LINGO2: variants seen among roughly 807,000 people sequenced by gnomAD.
LINGO2 encodes leucine-rich repeat and immunoglobulin-like domain-containing nogo receptor-interacting protein 2.
Under a neutral mutation model 30.6 loss-of-function variants are expected in LINGO2, and 14 were observed. The ratio of observed to expected loss-of-function variants is 0.46; its 90% CI spans 0.30 to 0.72. The LOEUF (loss-of-function observed/expected upper bound fraction) is 0.72, where lower values mean the gene tolerates loss of function less well. Ranked by LOEUF, LINGO2 falls within the 30% of genes least tolerant of loss-of-function variation. The pLI, the probability that LINGO2 is intolerant of heterozygous loss-of-function variation, is 0.07. For missense variants in LINGO2, 729 were observed against 751.7 expected, an observed-to-expected ratio of 0.97 and a Z score of 0.35; for synonymous variants, 317 against 288.5, an observed-to-expected ratio of 1.10 and a Z score of -1.00.
chr9:28,473,078 G>A (rs1342956269), intron 2 of LINGO2, among the ~76,000 whole-genome samples: 3 of 152,080 alleles, frequency 2.0e-5, no homozygotes, highest in Middle Eastern at 3.4e-3. Flanking sequence ...AACGAGTTTT[G>A]CTTTAATGGT....
chr9:28,655,050 C>G (rs1484040451), intron 1 of LINGO2, among the ~76,000 whole-genome samples: 1 of 152,026 alleles, frequency 6.6e-6, no homozygotes, highest in Non-Finnish European at 1.5e-5. Flanking sequence ...CTTAAGATAA[C>G]TTGGTGAGTG....
At chr9:28,137,289 T>C (rs948704743) in intron 4 of LINGO2, among the ~76,000 whole-genome samples, 8 of 152,242 alleles carry the variant, frequency 5.3e-5, no homozygotes, top group Middle Eastern at 3.4e-3. Flanking sequence ...AAAATGATTG[T>C]ATACAAGTTG....
chr9:28,731,906 G>A, the LINGO2 span, among the ~76,000 whole-genome samples: 2 of 152,088 alleles, frequency 1.3e-5, no homozygotes, highest in South Asian at 4.1e-4. Context: ...ATTCTACAGT[G>A]ATAAAGAGAT....
At chr9:28,982,493 GC>G in the LINGO2 span, among the ~76,000 whole-genome samples, 17,167 of 151,776 alleles carry the variant, frequency 0.11, 953 homozygotes, top group South Asian at 0.15. Context: ...TGTCTTGGTG[GC>G]AAAAACCAGG....
At chr9:28,976,221 C>G in the LINGO2 span, among the ~76,000 whole-genome samples, 98,846 of 151,794 alleles carry the variant, frequency 0.65, 32,782 homozygotes, top group Non-Finnish European at 0.72. Flanking sequence ...GCAAGTGGCC[C>G]CATCTAATTC....
intron 2 of LINGO2, among the ~76,000 whole-genome samples, chr9:28,430,147 C>T (rs184312586): frequency 1.3e-5 from 2 of 149,712 alleles, no homozygotes; most frequent in Admixed American, 6.6e-5. Context: ...GATATTTTGA[C>T]GAGATTCTTA....
chr9:29,050,652 C>G, the LINGO2 span, among the ~76,000 whole-genome samples: 1 of 152,164 alleles, frequency 6.6e-6, no homozygotes, highest in Non-Finnish European at 1.5e-5. Context: ...AGGAGTGTCA[C>G]TTTTCACAGC....
chr9:29,014,044 A>C, the LINGO2 span, among the ~76,000 whole-genome samples: 2 of 152,016 alleles, frequency 1.3e-5, no homozygotes, highest in Non-Finnish European at 2.9e-5. Context: ...CCTTAATCCC[A>C]TGTAAATACA....
the LINGO2 span, among the ~76,000 whole-genome samples, chr9:28,941,616 C>A: frequency 4.6e-5 from 7 of 152,130 alleles, no homozygotes; most frequent in African/African-American, 1.7e-4. Context: ...CTCACTTATT[C>A]ATGCATTTAA....
At chr9:28,857,712 A>G in the LINGO2 span, among the ~76,000 whole-genome samples, 1 of 152,080 alleles carries the variant, frequency 6.6e-6, no homozygotes, top group African/African-American at 2.4e-5. Context: ...CCAAACCGAG[A>G]TATGCTGTAA....
the LINGO2 span, among the ~76,000 whole-genome samples, chr9:29,101,725 T>G: frequency 2.0e-5 from 3 of 152,234 alleles, no homozygotes; most frequent in African/African-American, 7.2e-5. Flanking sequence ...TCCATCCATA[T>G]TGTTGCAAAT....
At chr9:28,922,674 G>A in the LINGO2 span, among the ~76,000 whole-genome samples, 4 of 152,126 alleles carry the variant, frequency 2.6e-5, no homozygotes, top group African/African-American at 9.7e-5. Flanking sequence ...TTGATATTAA[G>A]TATTTAAAGC....
intron 1 of LINGO2, among the ~76,000 whole-genome samples, chr9:28,590,078 G>C (rs1824795874): frequency 1.3e-5 from 2 of 152,076 alleles, no homozygotes; most frequent in African/African-American, 4.8e-5. Flanking sequence ...TTAATAAATG[G>C]TGCTGGGAAA....
intron 4 of LINGO2, among the ~76,000 whole-genome samples, chr9:28,213,335 G>T (rs1820657081): frequency 6.6e-6 from 1 of 151,340 alleles, no homozygotes; most frequent in Admixed American, 6.6e-5. Flanking sequence ...AGGATAGATG[G>T]TATTCTGATG....
intron 4 of LINGO2, among the ~76,000 whole-genome samples, chr9:28,091,645 G>C (rs564715354): frequency 1.2e-4 from 19 of 152,220 alleles, no homozygotes; most frequent in African/African-American, 4.6e-4. Context: ...CATGGGCAAG[G>C]ACTTCATGTC....
intron 3 of LINGO2, among the ~76,000 whole-genome samples, chr9:28,357,196 G>A (rs879816962): frequency 1.3e-5 from 2 of 151,962 alleles, no homozygotes; most frequent in Non-Finnish European, 2.9e-5. Flanking sequence ...GGTTTGCAAA[G>A]TGAGTTAAGC....
chr9:28,348,802 G>A (rs1225337913), intron 3 of LINGO2, among the ~76,000 whole-genome samples: 6 of 152,160 alleles, frequency 3.9e-5, no homozygotes, highest in East Asian at 1.9e-4. Context: ...CTGGAGATCT[G>A]AGAACGGGCA....
At chr9:28,174,921 TGAGAGAGA>T (rs71502440) in intron 4 of LINGO2, among the ~76,000 whole-genome samples, 3 of 133,306 alleles carry the variant, frequency 2.3e-5, no homozygotes, top group Non-Finnish European at 3.2e-5. Context: ...TGTGTGTGTG[TGAGAGAGA>T]GAGAGAGAGA....
intron 5 of LINGO2, among the ~76,000 whole-genome samples, chr9:27,998,798 GAACAA>G (rs1207951282): frequency 1.3e-5 from 2 of 151,964 alleles, no homozygotes; most frequent in African/African-American, 2.4e-5. Flanking sequence ...CAAAAAAACA[GAACAA>G]AACAAAACAG....
Sources: allele counts gnomAD v4.1 joint callset (sites outside exome capture counted in the v4.1 genomes callset), GRCh38; gene constraint gnomAD v4.1.1; transcripts MANE v1.5; gene names NCBI Gene and HGNC (gene_info 2026-07-23, HGNC 2026-07-21).